NCAPD3: variants seen among roughly 807,000 people sequenced by gnomAD.
NCAPD3 encodes condensin-2 complex subunit D3.
A neutral mutation model predicts 182.9 loss-of-function variants in NCAPD3; 105 were observed. The observed-to-expected ratio is 0.57, with a 90% CI of 0.49 to 0.68. NCAPD3 has a LOEUF of 0.68. Ranked by LOEUF, NCAPD3 falls within the 30% of genes least tolerant of loss-of-function variation. The pLI is 0.00. For synonymous variants in NCAPD3, 815 were observed against 679.9 expected, an observed-to-expected ratio of 1.20 and a Z score of -3.09; for missense variants, 1,944 against 1,837.0, an observed-to-expected ratio of 1.06 and a Z score of -1.07.
At chr11:134,159,142 C>T (rs541316293) in intron 29 of NCAPD3, among the ~76,000 whole-genome samples, 19 of 152,312 alleles carry the variant, frequency 1.2e-4, no homozygotes, top group African/African-American at 3.8e-4. Context: ...GGTATGTCTT[C>T]GACATCCTGA....
At chr11:134,193,686 G>A (rs1944568732) in intron 15 of NCAPD3, among the ~76,000 whole-genome samples, 1 of 152,210 alleles carries the variant, frequency 6.6e-6, no homozygotes, top group Non-Finnish European at 1.5e-5. Flanking sequence ...CTGAGAGGCA[G>A]AAGTTGCAGT....
At chr11:134,212,537 A>G (rs1315257020) in intron 3 of NCAPD3, among the ~76,000 whole-genome samples, 1 of 151,866 alleles carries the variant, frequency 6.6e-6, no homozygotes, top group Non-Finnish European at 1.5e-5. Context: ...ATGCGTTACC[A>G]CATTGGGCTA....
intron 24 of NCAPD3, among the ~76,000 whole-genome samples, chr11:134,174,671 G>T (rs2135970669): frequency 6.6e-6 from 1 of 152,202 alleles, no homozygotes; most frequent in Non-Finnish European, 1.5e-5. Flanking sequence ...CAACAGCACT[G>T]TAGGTTGAAT....
At chr11:134,164,997 CTT>C (rs1486589979) in intron 27 of NCAPD3, among the ~76,000 whole-genome samples, 4 of 146,228 alleles carry the variant, frequency 2.7e-5, no homozygotes, top group Non-Finnish European at 4.5e-5. Flanking sequence ...GTGACACAAA[CTT>C]AGGGAAGCTG....
chr11:134,176,058 A>G (rs1052873124), intron 24 of NCAPD3, among the ~76,000 whole-genome samples: 1 of 152,246 alleles, frequency 6.6e-6, no homozygotes. Flanking sequence ...AACAGCAAAC[A>G]CTGTCAGCAA....
At chr11:134,195,220 C>T (rs1174167973) in intron 13 of NCAPD3, among the ~76,000 whole-genome samples, 1 of 152,094 alleles carries the variant, frequency 6.6e-6, no homozygotes, top group Non-Finnish European at 1.5e-5. Context: ...CTCTCCTCAG[C>T]CTCCCAAGTA....
intron 19 of NCAPD3, chr11:134,182,972 C>G (rs1276691610): frequency 2.7e-6 from 1 of 363,692 alleles, no homozygotes; most frequent in Non-Finnish European, 5.4e-6. Flanking sequence ...TTTGCTAATG[C>G]AGTAGTAAGC....
chr11:134,211,775 C>T (rs527597763), intron 3 of NCAPD3, among the ~76,000 whole-genome samples: 1 of 152,168 alleles, frequency 6.6e-6, no homozygotes, highest in South Asian at 2.1e-4. Context: ...TTAATAGTGG[C>T]TTGGTTATTA....
intron 16 of NCAPD3, among the ~76,000 whole-genome samples, chr11:134,191,948 T>C (rs907819970): frequency 2.0e-5 from 3 of 152,242 alleles, no homozygotes; most frequent in Admixed American, 6.5e-5. Flanking sequence ...ACCCGTCTCA[T>C]GCGGTCAGGT....
upstream of NCAPD3, chr11:134,225,175 A>G: frequency 5.6e-6 from 9 of 1,614,052 alleles, no homozygotes; most frequent in Non-Finnish European, 7.6e-6. Context: ...CTTCTGAACG[A>G]TGCAGAGAGT....
intron 3 of NCAPD3, among the ~76,000 whole-genome samples, chr11:134,215,125 G>A (rs537053319): frequency 3.3e-5 from 5 of 152,234 alleles, no homozygotes; most frequent in South Asian, 2.1e-4. Flanking sequence ...GCAGAAAAGC[G>A]AATGACAAAA....
Position 134,192,698 on chromosome 11 carries a change from T to C in NCAPD3, c.2036A>G (p.Gln679Arg). 1.9e-6 allele frequency: 3 copies of C among 1,613,800 alleles called. No homozygotes were observed. The highest frequency in any genetic ancestry group is 2.5e-6 in the Non-Finnish European group (3 of 1,179,672). The change falls in exon 16 of 35, where the codon CAG (glutamine) becomes CGG (arginine). Residue 679 changes from glutamine to arginine, a missense_variant. Coordinates refer to ENST00000534548, the MANE Select transcript of NCAPD3 (RefSeq NM_015261.3). ...CATACAGTTAACCTACCTCAGTTCC[T>C]GGCTTTCGGTGGTGAGGAGAGTAAG... Reference protein sequence around the residue: ...ALLTLLTTESQELSRYLNKAF... With the variant: ...ALLTLLTTESRELSRYLNKAF...
chr11:134,163,365 G>T (rs753602664), intron 27 of NCAPD3, among the ~76,000 whole-genome samples: 3 of 152,186 alleles, frequency 2.0e-5, no homozygotes, highest in East Asian at 1.9e-4. Context: ...CCTGCCTTTA[G>T]TCTGTTTCAG....
intron 24 of NCAPD3, among the ~76,000 whole-genome samples, chr11:134,171,938 T>G (rs970181691): frequency 1.3e-5 from 2 of 152,118 alleles, no homozygotes; most frequent in Admixed American, 1.3e-4. Context: ...ACCCACCAAA[T>G]GTTCACGGCA....
At chr11:134,216,637 T>C (rs1938035806) in intron 3 of NCAPD3, among the ~76,000 whole-genome samples, 1 of 152,130 alleles carries the variant, frequency 6.6e-6, no homozygotes, top group South Asian at 2.1e-4. Flanking sequence ...GAAAGGGCAA[T>C]ATCAGAATTT....
chr11:134,182,479 C>A (rs1297061685), intron 19 of NCAPD3, among the ~76,000 whole-genome samples: 1 of 152,232 alleles, frequency 6.6e-6, no homozygotes, highest in Admixed American at 6.5e-5. Context: ...CCCTTCCCTT[C>A]TCCATGCTAA....
intron 32 of NCAPD3, among the ~76,000 whole-genome samples, chr11:134,155,569 T>C (rs1353575764): frequency 6.6e-6 from 1 of 152,126 alleles, no homozygotes; most frequent in Non-Finnish European, 1.5e-5. Context: ...GAGGGCGGCA[T>C]GAACCCTCCA....
chr11:134,216,843 A>G, intron 3 of NCAPD3, 93 bp downstream of exon 3: 1 of 1,324,498 alleles, frequency 7.6e-7, no homozygotes, highest in Non-Finnish European at 1.0e-6. Context: ...CCCCATTTAT[A>G]AGTGAAGAAA....
chr11:134,181,165 C>G lies in NCAPD3; in HGVS notation c.2471G>C (p.Cys824Ser), dbSNP rs1223217656. 6.2e-7 allele frequency: 1 copy of G among 1,613,880 alleles called. No individual in the cohort carries two copies. Among genetic ancestry groups the G allele is most frequent in the Admixed American group, 1.7e-5 (1 of 60,010 alleles). ...AEEQELLTQV[C>S]GDVLSTCEHR... The stretch of plus-strand genomic sequence containing the variant: ...CTCGCAGGTGGAGAGTACATCCCCA[C>G]ACACCTGCGTCAGCAATTCCTACGG... The change falls in exon 20 of 35, where the codon TGT (cysteine) becomes TCT (serine). Residue 824 changes from cysteine to serine, a missense_variant. Physicochemically the swap from Cys to Ser is moderately radical, Grantham distance 112. Transcript: ENST00000534548.
Sources: gnomAD v4.1 joint callset for allele counts (sites outside exome capture counted in the v4.1 genomes callset) on GRCh38, gnomAD v4.1.1 for gene constraint, MANE v1.5 for transcripts, NCBI Gene and HGNC (gene_info 2026-07-23, HGNC 2026-07-21) for gene names.